The following RP1 variants were observed in gnomAD, a reference collection of about 807,000 sequenced individuals.
RP1 encodes the protein oxygen-regulated protein 1.
A neutral mutation model predicts 14.8 loss-of-function variants in RP1; 16 were observed. The observed-to-expected ratio is 1.08, with a 90% CI of 0.73 to 1.65. The LOEUF is 1.65. Ranked by LOEUF, RP1 falls within the 40% of genes most tolerant of loss-of-function variation. The pLI is 0.00. For missense variants in RP1, 2,631 were observed against 2,535.0 expected (o/e 1.04, Z -0.81); for synonymous variants, 876 against 883.6 (o/e 0.99, Z 0.15).
intron 25 of RP1, among the ~76,000 whole-genome samples, chr8:54,846,031 G>A (rs937378899): frequency 8.5e-5 from 13 of 152,296 alleles, no homozygotes; most frequent in Admixed American, 2.0e-4. Context: ...CCAGCTTTGC[G>A]AAGGGCTGCC....
intron 1 of RP1, among the ~76,000 whole-genome samples, chr8:54,608,250 A>T (rs1307498991): frequency 1.3e-5 from 2 of 149,246 alleles, no homozygotes; most frequent in African/African-American, 5.0e-5. Context: ...GTGTAGTGGC[A>T]CAATCTTGGC....
chr8:54,600,536 G>T (rs533168645), intron 1 of RP1, among the ~76,000 whole-genome samples: 1 of 152,268 alleles, frequency 6.6e-6, no homozygotes, highest in East Asian at 1.9e-4. Flanking sequence ...GAATAAGAGG[G>T]AGTGTGGTGG....
chr8:54,854,108 T>G (rs1441383104), intron 26 of RP1, among the ~76,000 whole-genome samples: 1 of 152,182 alleles, frequency 6.6e-6, no homozygotes. Flanking sequence ...AGTTTTAATG[T>G]AATATCAATC....
At chr8:54,613,177 G>C (rs913915529), upstream of RP1, among the ~76,000 whole-genome samples, 1 of 152,152 alleles carries the variant, frequency 6.6e-6, no homozygotes, top group Non-Finnish European at 1.5e-5. Flanking sequence ...GGTTTTTTAA[G>C]GTAGAGGCCA....
chr8:54,772,314 A>G (rs944026231), downstream of RP1, among the ~76,000 whole-genome samples: 1 of 152,064 alleles, frequency 6.6e-6, no homozygotes, highest in African/African-American at 2.4e-5. Context: ...ATATCCAGCC[A>G]CATAATAAAC....
chr8:54,831,917 C>T (rs908870741), intron 24 of RP1, among the ~76,000 whole-genome samples: 4 of 151,398 alleles, frequency 2.6e-5, no homozygotes, highest in African/African-American at 9.7e-5. Flanking sequence ...ATATTTTTTG[C>T]TAGATATGAA....
At chr8:54,742,280 T>C (rs1809117194) in intron 19 of RP1, among the ~76,000 whole-genome samples, 1 of 152,190 alleles carries the variant, frequency 6.6e-6, no homozygotes, top group African/African-American at 2.4e-5. Flanking sequence ...TATTCCAAAA[T>C]GCTTCAGGTT....
intron 26 of RP1, among the ~76,000 whole-genome samples, chr8:54,853,434 C>G (rs1039005207): frequency 1.3e-5 from 2 of 152,120 alleles, no homozygotes; most frequent in Non-Finnish European, 2.9e-5. Context: ...GACTGGATCA[C>G]TCTAGGACCA....
chr8:54,713,585 A>G (rs571870231), intron 15 of RP1, among the ~76,000 whole-genome samples: 2 of 152,296 alleles, frequency 1.3e-5, no homozygotes, highest in South Asian at 4.1e-4. Flanking sequence ...TCTTCATTCA[A>G]AGTATATTCT....
At chr8:54,597,654 A>G (rs1395462703) in intron 1 of RP1, among the ~76,000 whole-genome samples, 1 of 152,198 alleles carries the variant, frequency 6.6e-6, no homozygotes, top group Non-Finnish European at 1.5e-5. Context: ...TCAAGTTTCC[A>G]CTAAAAAGAA....
At chr8:54,722,700 T>C (rs1808565961) in intron 16 of RP1, among the ~76,000 whole-genome samples, 2 of 152,076 alleles carry the variant, frequency 1.3e-5, no homozygotes, top group Non-Finnish European at 2.9e-5. Flanking sequence ...CAGCTTAAAC[T>C]TTTCCTCATA....
intron 18 of RP1, among the ~76,000 whole-genome samples, chr8:54,738,598 C>G (rs1431038404): frequency 2.0e-5 from 3 of 151,900 alleles, no homozygotes; most frequent in Admixed American, 2.0e-4. Flanking sequence ...TCTTAAAATA[C>G]AAGCCCATCT....
At chr8:54,564,651 C>A (rs1405628089) in intron 1 of RP1, among the ~76,000 whole-genome samples, 1 of 152,180 alleles carries the variant, frequency 6.6e-6, no homozygotes, top group African/African-American at 2.4e-5. Context: ...AGAAGAATTG[C>A]AGCTGTTTCC....
chr8:54,612,975 A>G (rs1240949172), upstream of RP1, among the ~76,000 whole-genome samples: 1 of 152,168 alleles, frequency 6.6e-6, no homozygotes, highest in African/African-American at 2.4e-5. Flanking sequence ...ATAGGATCTA[A>G]CATGCTGTAG....
At chr8:54,738,184 T>G (rs138401528) in intron 18 of RP1, among the ~76,000 whole-genome samples, 28 of 152,300 alleles carry the variant, frequency 1.8e-4, no homozygotes, top group African/African-American at 6.5e-4. Context: ...AACTGAAAAT[T>G]TTATGCAGAA....
intron 26 of RP1, among the ~76,000 whole-genome samples, chr8:54,855,293 A>G (rs913600629): frequency 6.6e-6 from 1 of 152,208 alleles, no homozygotes; most frequent in Admixed American, 6.5e-5. Context: ...ATGTTGTAGC[A>G]TGTGAGAGGA....
intron 1 of RP1, among the ~76,000 whole-genome samples, chr8:54,576,080 A>G (rs535619270): frequency 7.0e-4 from 102 of 145,056 alleles, no homozygotes; most frequent in Middle Eastern, 3.9e-3. Flanking sequence ...TCACTCTGTC[A>G]CCCAGGCTGG....
intron 27 of RP1, among the ~76,000 whole-genome samples, chr8:54,860,726 A>G (rs143912544): frequency 6.6e-6 from 1 of 152,360 alleles, no homozygotes; most frequent in East Asian, 1.9e-4. Context: ...AGTGAGATGC[A>G]TGGGGTGTCT....
intron 25 of RP1, among the ~76,000 whole-genome samples, chr8:54,843,738 G>A (rs1811846246): frequency 1.3e-5 from 2 of 152,166 alleles, no homozygotes; most frequent in Non-Finnish European, 2.9e-5. Context: ...CAGGGCCCTT[G>A]TTCCCACCCT....
Sources: allele counts gnomAD v4.1 joint callset (sites outside exome capture counted in the v4.1 genomes callset), GRCh38; gene constraint gnomAD v4.1.1; transcripts MANE v1.5; gene names NCBI Gene and HGNC (gene_info 2026-07-23, HGNC 2026-07-21).